ELAPOR1: variants seen among roughly 807,000 people sequenced by gnomAD.
ELAPOR1 encodes the protein endosome-lysosome associated apoptosis and autophagy regulator 1.
Under a neutral mutation model 119.7 loss-of-function variants are expected in ELAPOR1, and 77 were observed. The observed-to-expected ratio is 0.64, with a 90% CI of 0.54 to 0.78. The LOEUF is 0.78. Ranked by LOEUF, ELAPOR1 falls within the 30% of genes least tolerant of loss-of-function variation. ELAPOR1 has a pLI of 0.00. For missense variants in ELAPOR1, 1,115 were observed against 1,270.4 expected (o/e 0.88, Z 1.86); for synonymous variants, 481 against 487.2 (o/e 0.99, Z 0.17).
At position 109,167,344 on chromosome 1, in the gene ELAPOR1, C is replaced by A. The variant is rs1570673169; in HGVS notation, c.467+2653C>A. Among the ~76,000 whole-genome samples the A allele has an allele frequency of 3.9e-5, 6 of 152,282 alleles. 2 individuals are homozygous for A. The highest frequency in any genetic ancestry group is 3.9e-4 in the Admixed American group (6 of 15,296). On this transcript the variant is annotated intron_variant, in intron 3 of 21. Transcript: ENST00000369939. ...TCAGGGCCTGCATCTTAAGGCATCC[C>A]ACGACATCCCGGGGAGGGAGGGAGA... is the stretch of plus-strand genomic sequence containing the variant.
intron 12 of ELAPOR1, 45 bp downstream of exon 12, chr1:109,191,516 G>T: frequency 1.3e-6 from 2 of 1,552,808 alleles, no homozygotes; most frequent in Non-Finnish European, 1.8e-6. Flanking sequence ...CCAGGGGAGG[G>T]TTAGCCCCAT....
In ELAPOR1 at chr1:109,162,068, C is replaced by T. The variant is rs1332458112; in HGVS notation, c.274+54C>T. 3.8e-6 allele frequency: 6 copies of T among 1,564,482 alleles called. No individual in the cohort carries two copies. In the African/African-American group the frequency reaches 5.4e-5, roughly 14 times the overall value. On this transcript the variant is annotated intron_variant, in intron 2 of 21. Transcript: ENST00000369939. ...CTGTCACTCAGCTTTGGTCTCTCCC[C>T]CAAGTCTCCTGCCATCCAATCTGGG... is the stretch of plus-strand genomic sequence containing the variant.
rs1432887633 is a variant in ELAPOR1 at position 109,185,057 on chromosome 1, C to T, written c.965C>T (p.Ser322Phe). 6.2e-7 allele frequency: 1 copy of T among 1,613,986 alleles called. No homozygotes were observed. The highest frequency in any genetic ancestry group is 8.5e-7 in the Non-Finnish European group (1 of 1,179,848). ...DPDKYSEKGS[S>F]SCNVRPACTD... ...TTTGGCAATTTAGAGAAAGGATCTT[C>T]TTCCTGTAACGTGCGCCCAGCTTGC... The change falls in exon 8 of 22, where the codon TCT (serine) becomes TTT (phenylalanine). Residue 322 changes from serine (S) to phenylalanine (F), a missense_variant. Transcript: ENST00000369939.
intron 2 of ELAPOR1, among the ~76,000 whole-genome samples, chr1:109,163,567 A>ATT (rs35626059): frequency 0.022 from 3,304 of 147,890 alleles, 62 homozygotes; most frequent in Non-Finnish European, 0.034. Context: ...TAATTTAAAC[A>ATT]TTTTTTTTTT....
At chr1:109,135,627 C>T (rs559850379) in intron 1 of ELAPOR1, among the ~76,000 whole-genome samples, 59 of 152,246 alleles carry the variant, frequency 3.9e-4, no homozygotes, top group Middle Eastern at 3.4e-3. Flanking sequence ...ACTTTGGGAA[C>T]CATTGGTTTA....
intron 7 of ELAPOR1, 148 bp from the exon 8 acceptor site, chr1:109,184,897 G>C (rs1443129695): frequency 4.4e-6 from 3 of 686,566 alleles, no homozygotes; most frequent in Non-Finnish European, 7.9e-6. Context: ...TGAGACAAGG[G>C]GAAGGGTGAG....
chr1:109,191,240 G>A (rs1292849276), intron 11 of ELAPOR1, 126 bp from the exon 12 acceptor site: 2 of 638,358 alleles, frequency 3.1e-6, no homozygotes, highest in Admixed American at 2.7e-5. Flanking sequence ...ATTGGATTTA[G>A]TCCACACGCT....
At chr1:109,153,007 G>A (rs999392684) in intron 1 of ELAPOR1, among the ~76,000 whole-genome samples, 2 of 151,012 alleles carry the variant, frequency 1.3e-5, no homozygotes, top group South Asian at 4.2e-4. Context: ...AAAAATGACA[G>A]TCTCATGTGG....
chr1:109,185,084 C>T lies in ELAPOR1; in HGVS notation c.992C>T (p.Thr331Ile), dbSNP rs759646046. The change falls in exon 8 of 22, where the codon ACA becomes ATA. Residue 331 changes from threonine (T) to isoleucine (I), a missense_variant. Coordinates refer to ENST00000369939, the MANE Select transcript of ELAPOR1 (RefSeq NM_020775.5). ...SSSCNVRPAC[T>I]DKDYFYTHTA... Reference sequence around the variant, plus strand: ...TCCTGTAACGTGCGCCCAGCTTGCACAGACAAAGATTATTTCTACACACAC... The same window carrying T: ...TCCTGTAACGTGCGCCCAGCTTGCATAGACAAAGATTATTTCTACACACAC... 1.5e-5 allele frequency: 25 copies of T among 1,613,936 alleles called. No homozygotes were observed. Among genetic ancestry groups the T allele is most frequent in the Non-Finnish European group, 2.1e-5 (25 of 1,179,798 alleles).
At position 109,188,335 on chromosome 1, in the gene ELAPOR1, T is replaced by C. The variant is rs1465455631; in HGVS notation, c.1200T>C (p.Gly400=). 6.2e-7 allele frequency: 1 copy of C among 1,612,844 alleles called. No individual in the cohort carries two copies. Among genetic ancestry groups the C allele is most frequent in the Non-Finnish European group, 8.5e-7 (1 of 1,179,108 alleles). Residue 400 remains glycine, a synonymous_variant, in exon 9 of 22, where the codon GGT becomes GGC. Coordinates refer to ENST00000369939, the MANE Select transcript of ELAPOR1 (RefSeq NM_020775.5). ...GCACCTGCCAGCCCTGCCCATATGG[T>C]TCCTACTCCAATGGCTCAGGTAACC... is the stretch of plus-strand genomic sequence containing the variant. ...NNSTCQPCPY[G]SYSNGSDCTR...
chr1:109,162,198 C>A (rs1651310254), intron 2 of ELAPOR1, among the ~76,000 whole-genome samples, 184 bp downstream of exon 2: 1 of 152,238 alleles, frequency 6.6e-6, no homozygotes, highest in Non-Finnish European at 1.5e-5. Context: ...TTCATGAATG[C>A]AAACTGGATA....
chr1:109,199,773 C>G, intron 18 of ELAPOR1, 81 bp from the exon 19 acceptor site: 1 of 1,536,528 alleles, frequency 6.5e-7, no homozygotes, highest in Non-Finnish European at 8.8e-7. Context: ...ATCAGGCAAG[C>G]TATGAGACAA....
intron 1 of ELAPOR1, among the ~76,000 whole-genome samples, chr1:109,153,680 C>A (rs935890379): frequency 4.6e-5 from 7 of 151,882 alleles, no homozygotes; most frequent in African/African-American, 1.7e-4. Context: ...CGCTCTGTTG[C>A]CCAGGCTGGA....
intron 3 of ELAPOR1, 84 bp downstream of exon 3, chr1:109,164,775 C>A: frequency 7.4e-7 from 1 of 1,342,680 alleles, no homozygotes; most frequent in East Asian, 2.5e-5. Context: ...CTCCGCTGCC[C>A]CTCAGGCTGG....
At position 109,205,259 on chromosome 1, in the gene ELAPOR1, T is replaced by A. The variant is rs565836463; in HGVS notation, c.*2247T>A. 6.6e-6 allele frequency: 1 copy of A among 152,338 alleles called. No homozygotes were observed. The highest frequency in any genetic ancestry group is 2.4e-5 in the African/African-American group (1 of 41,562). The allele number at this position is 152,338 out of a possible 1,614,324, so 9.4% of individuals were successfully genotyped here. A position where few individuals can be genotyped will look rare whatever the true frequency, so the allele number is the denominator to read the frequency against. On this transcript the variant is annotated 3_prime_UTR_variant, in exon 22 of 22. Coordinates refer to ENST00000369939, the MANE Select transcript of ELAPOR1 (RefSeq NM_020775.5). ...CCATGATTTGTGCCTGTGCCCTTTC[T>A]CCAGTGACCATTTGGTGACCAGATG...
intron 7 of ELAPOR1, among the ~76,000 whole-genome samples, chr1:109,176,606 CTTTTTTT>C (rs1166255748): frequency 9.4e-5 from 12 of 127,804 alleles, no homozygotes; most frequent in Non-Finnish European, 1.7e-4. Flanking sequence ...CTTTTTTTTT[CTTTTTTT>C]TTTTTTTTTT....
chr1:109,163,192 G>C (rs780376552), intron 2 of ELAPOR1, among the ~76,000 whole-genome samples: 1 of 152,204 alleles, frequency 6.6e-6, no homozygotes, highest in Non-Finnish European at 1.5e-5. Flanking sequence ...GGAAGAGCTT[G>C]TGGTCCAGGG....
At chr1:109,172,276 C>G (rs910486464) in intron 4 of ELAPOR1, among the ~76,000 whole-genome samples, 28 of 152,176 alleles carry the variant, frequency 1.8e-4, no homozygotes, top group African/African-American at 6.8e-4. Flanking sequence ...ATCTGAGTTA[C>G]AAGTTATTTC....
intron 7 of ELAPOR1, among the ~76,000 whole-genome samples, chr1:109,184,649 G>A (rs1050646570): frequency 2.0e-5 from 3 of 152,230 alleles, no homozygotes; most frequent in Non-Finnish European, 2.9e-5. Flanking sequence ...TAAGGCACCT[G>A]GAAGATGGTG....
Sources: gnomAD v4.1 joint callset for allele counts (sites outside exome capture counted in the v4.1 genomes callset) on GRCh38, gnomAD v4.1.1 for gene constraint, MANE v1.5 for transcripts, NCBI Gene and HGNC (gene_info 2026-07-23, HGNC 2026-07-21) for gene names.